Variants in IFT56 observed in about 807,000 individuals in gnomAD.
IFT56 encodes intraflagellar transport protein 56.
At chr7:139,134,705 CAAAA>C in the IFT56 span, 2 of 1,613,974 alleles carry the variant, frequency 1.2e-6, no homozygotes, top group South Asian at 1.1e-5. Context: ...AGCACACTGA[CAAAA>C]GAAAGAAGAA....
the IFT56 span, chr7:139,189,462 C>T: frequency 1.9e-5 from 27 of 1,440,798 alleles, 2 homozygotes; most frequent in African/African-American, 3.2e-4. Flanking sequence ...GAACCAGCTT[C>T]TACTTTGACA....
the IFT56 span, among the ~76,000 whole-genome samples, chr7:139,149,967 A>C: frequency 6.6e-6 from 1 of 152,178 alleles, no homozygotes; most frequent in African/African-American, 2.4e-5. Context: ...GTTCTACACT[A>C]TATCTATATA....
chr7:139,173,225 C>CTTTTT, the IFT56 span: 41 of 295,636 alleles, frequency 1.4e-4, no homozygotes, highest in South Asian at 5.2e-4. Context: ...ACAAAGTCAC[C>CTTTTT]TTTTTTTTTT....
the IFT56 span, among the ~76,000 whole-genome samples, chr7:139,177,267 A>C: frequency 6.6e-6 from 1 of 151,376 alleles, no homozygotes; most frequent in East Asian, 1.9e-4. Context: ...CTACATATGT[A>C]TATCTGATAT....
chr7:139,170,085 A>T, the IFT56 span, among the ~76,000 whole-genome samples: 3 of 152,218 alleles, frequency 2.0e-5, no homozygotes, highest in Non-Finnish European at 4.4e-5. Flanking sequence ...ATGAGCAATG[A>T]TATGTCAGTA....
chr7:139,162,355 A>G, the IFT56 span, among the ~76,000 whole-genome samples: 6 of 152,346 alleles, frequency 3.9e-5, no homozygotes, highest in African/African-American at 1.4e-4. Context: ...GAACCACTAT[A>G]TAAATATATG....
At chr7:139,133,959 GCAGAGAGTAATCCC>G in the IFT56 span, 6 of 1,435,946 alleles carry the variant, frequency 4.2e-6, no homozygotes, top group Non-Finnish European at 5.9e-6. Flanking sequence ...AGGTGTGTCC[GCAGAGAGTAATCCC>G]CAGCTCTCCC....
At chr7:139,146,825 G>A in the IFT56 span, among the ~76,000 whole-genome samples, 1 of 150,036 alleles carries the variant, frequency 6.7e-6, no homozygotes, top group African/African-American at 2.4e-5. Flanking sequence ...CCAGGTAATA[G>A]TAAAGAGAGT....
the IFT56 span, among the ~76,000 whole-genome samples, chr7:139,149,751 C>G: frequency 6.6e-6 from 1 of 151,994 alleles, no homozygotes; most frequent in Non-Finnish European, 1.5e-5. Context: ...TGGTTAGAGG[C>G]TATTGTAGTT....
At chr7:139,161,661 A>G in the IFT56 span, among the ~76,000 whole-genome samples, 1 of 152,116 alleles carries the variant, frequency 6.6e-6, no homozygotes, top group African/African-American at 2.4e-5. Context: ...TGATTTCTCT[A>G]TTCCTTTTTG....
chr7:139,182,295 C>G, the IFT56 span, among the ~76,000 whole-genome samples: 1 of 151,948 alleles, frequency 6.6e-6, no homozygotes, highest in African/African-American at 2.4e-5. Flanking sequence ...AACAAAAGCT[C>G]ATTTCAAAGT....
the IFT56 span, chr7:139,139,798 A>T: frequency 2.6e-6 from 2 of 767,952 alleles, no homozygotes; most frequent in Non-Finnish European, 4.3e-6. Context: ...GAAGTTGCTT[A>T]ATCTCAGTAT....
chr7:139,137,017 G>A, the IFT56 span, among the ~76,000 whole-genome samples: 1 of 152,134 alleles, frequency 6.6e-6, no homozygotes, highest in East Asian at 1.9e-4. Flanking sequence ...TCTTAGCCCA[G>A]ACAAGAAAAT....
the IFT56 span, chr7:139,147,059 G>A: frequency 3.2e-6 from 5 of 1,583,406 alleles, no homozygotes; most frequent in East Asian, 2.3e-5. Context: ...AGAAGGAAGA[G>A]TTAAAATCTC....
chr7:139,154,158 CT>C, the IFT56 span, among the ~76,000 whole-genome samples: 2 of 152,026 alleles, frequency 1.3e-5, no homozygotes, highest in Non-Finnish European at 2.9e-5. Context: ...TATTTAAGTT[CT>C]TTGCCCATTT....
At chr7:139,176,143 A>G in the IFT56 span, among the ~76,000 whole-genome samples, 1 of 152,228 alleles carries the variant, frequency 6.6e-6, no homozygotes, top group Non-Finnish European at 1.5e-5. Context: ...TGACAGCACA[A>G]CAGAGTGACT....
At chr7:139,156,921 G>A in the IFT56 span, among the ~76,000 whole-genome samples, 3 of 152,216 alleles carry the variant, frequency 2.0e-5, no homozygotes, top group Middle Eastern at 6.8e-3. Context: ...CATCTTGTTA[G>A]TGTTCTTCAA....
the IFT56 span, chr7:139,172,700 A>G: frequency 3.7e-5 from 23 of 623,476 alleles, no homozygotes; most frequent in East Asian, 7.6e-4. Context: ...AAGTTTTACA[A>G]ACAATCGCAG....
the IFT56 span, chr7:139,187,683 T>C: frequency 9.3e-7 from 1 of 1,074,780 alleles, no homozygotes. Flanking sequence ...TATTAAATAT[T>C]TCTGTCTGAC....
Sources: gnomAD v4.1 joint callset for allele counts (sites outside exome capture counted in the v4.1 genomes callset) on GRCh38, gnomAD v4.1.1 for gene constraint, MANE v1.5 for transcripts, NCBI Gene and HGNC (gene_info 2026-07-23, HGNC 2026-07-21) for gene names.